Variants in CHRM5 observed in about 807,000 individuals in gnomAD.
CHRM5 encodes the protein cholinergic receptor muscarinic 5, also known as muscarinic acetylcholine receptor M5.
Under a neutral mutation model 39.0 loss-of-function variants are expected in CHRM5, and 18 were observed. The ratio of observed to expected loss-of-function variants is 0.46; its 90% CI spans 0.32 to 0.68. The LOEUF (loss-of-function observed/expected upper bound fraction) is 0.68. Ranked by LOEUF, CHRM5 falls within the 30% of genes least tolerant of loss-of-function variation. The pLI is 0.04. For missense variants in CHRM5, 515 were observed against 651.1 expected (o/e 0.79, Z 2.28); for synonymous variants, 241 against 246.3 (o/e 0.98, Z 0.20).
At chr15:34,003,280 CA>C in intron 1 of CHRM5, 1 of 1,315,116 alleles carries the variant, frequency 7.6e-7, no homozygotes, top group Non-Finnish European at 1.1e-6. Context: ...CCCAGTAAAA[CA>C]AAAAAGTACA....
At chr15:34,061,735 GAGAGA>G (rs1900339537) in intron 2 of CHRM5, among the ~76,000 whole-genome samples, 1 of 152,186 alleles carries the variant, frequency 6.6e-6, no homozygotes, top group Non-Finnish European at 1.5e-5. Context: ...TTCAGGAACA[GAGAGA>G]AGGTCCTTAT....
At chr15:34,051,684 A>G (rs1899929543) in intron 2 of CHRM5, among the ~76,000 whole-genome samples, 1 of 152,164 alleles carries the variant, frequency 6.6e-6, no homozygotes, top group East Asian at 1.9e-4. Context: ...CAGAAATCCA[A>G]ACAATCATCA....
chr15:33,987,574 A>C (rs1050079586), intron 1 of CHRM5, among the ~76,000 whole-genome samples: 5 of 152,068 alleles, frequency 3.3e-5, no homozygotes, highest in African/African-American at 1.2e-4. Context: ...CCAGCGAACA[A>C]TGGTTTTTTT....
At chr15:34,016,193 C>T (rs1203930667) in intron 1 of CHRM5, among the ~76,000 whole-genome samples, 1 of 152,186 alleles carries the variant, frequency 6.6e-6, no homozygotes, top group Non-Finnish European at 1.5e-5. Flanking sequence ...AAGATCGTGC[C>T]ATTGCACTCC....
At chr15:34,000,556 T>A (rs556397272) in intron 1 of CHRM5, among the ~76,000 whole-genome samples, 2 of 152,358 alleles carry the variant, frequency 1.3e-5, no homozygotes, top group South Asian at 2.1e-4. Context: ...TTCTCAGTTG[T>A]CTATTTATTT....
At chr15:33,983,495 C>A (rs1036052701) in intron 1 of CHRM5, among the ~76,000 whole-genome samples, 1 of 151,878 alleles carries the variant, frequency 6.6e-6, no homozygotes, top group Non-Finnish European at 1.5e-5. Flanking sequence ...ATAAAAAGGG[C>A]AAGTATTTAG....
At chr15:33,977,846 A>G (rs540377770) in intron 1 of CHRM5, among the ~76,000 whole-genome samples, 1 of 152,222 alleles carries the variant, frequency 6.6e-6, no homozygotes, top group South Asian at 2.1e-4. Flanking sequence ...CCAAGGCAGG[A>G]GGATTGCTTG....
intron 1 of CHRM5, chr15:33,972,209 A>G (rs1276844155): frequency 6.6e-6 from 1 of 152,122 alleles, no homozygotes; most frequent in East Asian, 1.9e-4. Flanking sequence ...AAACGGGAGT[A>G]AGGAAAATAC....
intron 1 of CHRM5, among the ~76,000 whole-genome samples, chr15:33,974,117 G>A (rs1895766574): frequency 6.6e-6 from 1 of 152,106 alleles, no homozygotes; most frequent in Non-Finnish European, 1.5e-5. Flanking sequence ...TTTGACATAT[G>A]GAAATCACGT....
chr15:34,014,909 T>C (rs772188771), intron 1 of CHRM5, among the ~76,000 whole-genome samples: 2 of 152,012 alleles, frequency 1.3e-5, no homozygotes, highest in Non-Finnish European at 2.9e-5. Flanking sequence ...AGAAGAGGAA[T>C]AATAAAAGAT....
intron 1 of CHRM5, among the ~76,000 whole-genome samples, chr15:34,032,018 C>T (rs1309150062): frequency 9.2e-6 from 1 of 108,704 alleles, no homozygotes; most frequent in Non-Finnish European, 2.2e-5. Context: ...CATACGCGCG[C>T]ACACGCACAC....
chr15:34,061,690 G>T (rs1900339131), intron 2 of CHRM5, among the ~76,000 whole-genome samples: 1 of 152,112 alleles, frequency 6.6e-6, no homozygotes, highest in Non-Finnish European at 1.5e-5. Context: ...CCAGAAAAAA[G>T]ATAACCTAAA....
At chr15:34,001,558 T>C (rs899807183) in intron 1 of CHRM5, among the ~76,000 whole-genome samples, 3 of 152,176 alleles carry the variant, frequency 2.0e-5, no homozygotes, top group Non-Finnish European at 4.4e-5. Flanking sequence ...GAAAAGTGCT[T>C]ATAAACCCAT....
intron 1 of CHRM5, among the ~76,000 whole-genome samples, chr15:33,986,633 GACCATAAGGCTC>G (rs146351760): frequency 0.15 from 22,175 of 152,002 alleles, 2,056 homozygotes; most frequent in Middle Eastern, 0.28. Context: ...AATAGATCAT[GACCATAAGGCTC>G]TATATCAGGT....
chr15:34,037,355 G>A (rs1208033292), intron 1 of CHRM5, among the ~76,000 whole-genome samples: 1 of 151,874 alleles, frequency 6.6e-6, no homozygotes. Flanking sequence ...GAAAAAGTAA[G>A]AGATAAAATA....
chr15:34,006,320 A>AG (rs1004930373), intron 1 of CHRM5, among the ~76,000 whole-genome samples: 1 of 152,054 alleles, frequency 6.6e-6, no homozygotes, highest in African/African-American at 2.4e-5. Flanking sequence ...CAAAAAAAAA[A>AG]AAAACAGCCT....
chr15:34,052,991 A>C (rs1899983984), intron 2 of CHRM5, among the ~76,000 whole-genome samples: 1 of 152,076 alleles, frequency 6.6e-6, no homozygotes, highest in South Asian at 2.1e-4. Flanking sequence ...ATTAGAAAAA[A>C]ACTACTTAAA....
At chr15:34,020,708 A>C (rs1023507247) in intron 1 of CHRM5, among the ~76,000 whole-genome samples, 1 of 152,220 alleles carries the variant, frequency 6.6e-6, no homozygotes, top group Non-Finnish European at 1.5e-5. Flanking sequence ...CCTTGACTGA[A>C]TTACGACCTT....
chr15:34,014,466 T>C (rs1007625350), intron 1 of CHRM5, among the ~76,000 whole-genome samples: 1 of 118,804 alleles, frequency 8.4e-6, no homozygotes, highest in Admixed American at 9.3e-5. Context: ...TGATAAAAAA[T>C]ACAAAGAGCA....
Sources: gnomAD v4.1 joint callset for allele counts (sites outside exome capture counted in the v4.1 genomes callset) on GRCh38, gnomAD v4.1.1 for gene constraint, MANE v1.5 for transcripts, NCBI Gene and HGNC (gene_info 2026-07-23, HGNC 2026-07-21) for gene names.